The following ACAA1 variants were observed in gnomAD, a reference collection of about 807,000 sequenced individuals.
ACAA1 encodes the protein acetyl-CoA acyltransferase 1, also known as 3-ketoacyl-CoA thiolase, peroxisomal.
Under a neutral mutation model 48.8 loss-of-function variants are expected in ACAA1, and 44 were observed. The ratio of observed to expected loss-of-function variants is 0.90; its 90% CI spans 0.71 to 1.16. ACAA1 has a LOEUF of 1.16. Ranked by LOEUF, ACAA1 falls within the 50% of genes most tolerant of loss-of-function variation. The pLI is 0.00. For synonymous variants in ACAA1, 233 were observed against 226.5 expected (o/e 1.03, Z -0.26); for missense variants, 512 against 562.3 (o/e 0.91, Z 0.90).
chr3:38,134,160 G>T, intron 2 of ACAA1, 151 bp from the exon 3 acceptor site: 1 of 717,470 alleles, frequency 1.4e-6, no homozygotes, highest in Non-Finnish European at 2.3e-6. Context: ...ATCAGGGTTT[G>T]GGGCAGGGAG....
intron 11 of ACAA1, chr3:38,123,814 A>G (rs1041307176): frequency 6.6e-6 from 1 of 152,188 alleles, no homozygotes; most frequent in Non-Finnish European, 1.5e-5. Context: ...CAGCCTCGCC[A>G]ACATGGTGAA....
In ACAA1 at chr3:38,126,263, G is replaced by A; in HGVS notation, c.896C>T (p.Pro299Leu). The A allele has an allele frequency of 6.2e-7, 1 of 1,614,162 alleles. No individual in the cohort carries two copies. Among genetic ancestry groups the A allele is most frequent in the Non-Finnish European group, 8.5e-7 (1 of 1,180,032 alleles). The change falls in exon 9 of 12, where the codon CCC (proline) becomes CTC (leucine). Residue 299 changes from proline to leucine, a missense_variant. Coordinates refer to ENST00000333167, the MANE Select transcript of ACAA1 (RefSeq NM_001607.4). The surrounding 1 kb of genome is among the most constrained non-coding windows in gnomAD (Gnocchi z 4.7). ...RRSKAEELGL[P>L]ILGVLRSYAV... is the part of the protein sequence containing the mutation. ...ATAAGACCTCAGGACCCCAAGGATG[G>A]GAAGGCCCAACTCTTCTGCCTTGGA... is the stretch of plus-strand genomic sequence containing the variant.
At chr3:38,134,111 G>T in intron 2 of ACAA1, 102 bp from the exon 3 acceptor site, 2 of 1,196,010 alleles carry the variant, frequency 1.7e-6, no homozygotes, top group Non-Finnish European at 2.4e-6. Flanking sequence ...CTTTCTTCGG[G>T]ACACTAGCCC....
In ACAA1 at chr3:38,131,650, G is replaced by A. The variant is rs77045528; in HGVS notation, c.404-12C>T. The A allele has an allele frequency of 5.3e-4, 859 of 1,614,100 alleles. 3 individuals are homozygous for A. In the African/African-American group the frequency reaches 0.01, roughly 19 times the overall value. On this transcript the variant is annotated splice_polypyrimidine_tract_variant and intron_variant, in intron 4 of 11. Coordinates refer to ENST00000333167, the MANE Select transcript of ACAA1 (RefSeq NM_001607.4). ...ATTTCTGATGCCACCTGTAACAAAA[G>A]CATTTCATAAACATCCTTTGCCAGA...
At position 38,125,892 on chromosome 3, in the gene ACAA1, G is replaced by A. The variant is rs763372093; in HGVS notation, c.998-11C>T. 2.5e-5 allele frequency: 40 copies of A among 1,614,040 alleles called. No homozygotes were observed. The highest frequency in any genetic ancestry group is 3.3e-5 in the Non-Finnish European group (39 of 1,180,036). On this transcript the variant is annotated splice_polypyrimidine_tract_variant and intron_variant, in intron 9 of 11. Transcript: ENST00000333167. ...CACTCACTGTCAGCCCTGCAGACAA[G>A]GTAAAGACCTGAGCTGACACACTGG...
intron 6 of ACAA1, among the ~76,000 whole-genome samples, chr3:38,128,746 C>T (rs951978887): frequency 2.0e-5 from 3 of 152,178 alleles, no homozygotes; most frequent in African/African-American, 4.8e-5. Context: ...CGCTCACCAC[C>T]GCGCCCGGCT....
chr3:38,123,379 T>C (rs944339261), intron 11 of ACAA1: 4 of 482,574 alleles, frequency 8.3e-6, no homozygotes, highest in African/African-American at 1.9e-5. Context: ...GGTGTTTCTG[T>C]GTGCATGTTC....
At position 38,129,305 on chromosome 3, in the gene ACAA1, C is replaced by A; in HGVS notation, c.530G>T (p.Cys177Phe). The A allele has an allele frequency of 6.2e-7, 1 of 1,614,054 alleles. No individual in the cohort carries two copies. The highest frequency in any genetic ancestry group is 8.5e-7 in the Non-Finnish European group (1 of 1,179,946). ...GAGCACTCACCCCATAGGAATCAGG[C>A]AATCTCTGGCCTTCTCCTTCTCCAT... ...RLMEKEKARDCLIPMGITSEN... is the reference protein window; with the variant it reads ...RLMEKEKARDFLIPMGITSEN... Residue 177 changes from cysteine to phenylalanine, a missense_variant, in exon 6 of 12, where the codon TGC becomes TTC. Transcript: ENST00000333167. This position sits in a 1 kb window ranked among gnomAD's most constrained non-coding sequence, Gnocchi z 5.3.
rs1007428763 is a variant in ACAA1, at chr3:38,126,021, G to A, written c.998-140C>T. On this transcript the variant is annotated intron_variant, in intron 9 of 11. Transcript: ENST00000333167. The surrounding 1 kb of genome is among the most constrained non-coding windows in gnomAD (Gnocchi z 4.7). ...CAATCCCAGCTGTGGGGTCAGGAAG[G>A]GCTTGAAGTATGGGACACTAGCCTG... is the stretch of plus-strand genomic sequence containing the variant. The A allele has an allele frequency of 2.0e-5, 30 of 1,470,716 alleles. No individual in the cohort carries two copies. The highest frequency in any genetic ancestry group is 2.0e-4 in the Middle Eastern group (1 of 4,908). 91.1% of individuals were successfully genotyped at this position (1,470,716 alleles called of 1,614,324 possible).
chr3:38,135,313 C>G (rs1700868671), intron 2 of ACAA1: 1 of 152,172 alleles, frequency 6.6e-6, no homozygotes, highest in South Asian at 2.1e-4. Flanking sequence ...AGAAATGACA[C>G]AGAGACAAAG....
chr3:38,122,974 C>G lies in ACAA1; in HGVS notation c.*73G>C. The G allele has an allele frequency of 6.6e-7, 1 of 1,519,918 alleles. No individual in the cohort carries two copies. The highest frequency in any genetic ancestry group is 1.7e-5 in the Admixed American group (1 of 59,354). The allele number at this position is 1,519,918 out of a possible 1,614,324, so 94.2% of individuals were successfully genotyped here. On this transcript the variant is annotated 3_prime_UTR_variant, in exon 12 of 12. Transcript: ENST00000333167. ...TGCTGAGTTTTCCCATGTGGTTTTG[C>G]TTTTGTGGTGTTACTGCCTTGCTGC...
rs1335989332 is a variant in ACAA1, at chr3:38,126,577, G to A, written c.750C>T (p.Pro250=). ...TGGCCAGGCCCTCCATGGTGGTGCT[G>A]GGGCGGATACCCTCATCCTGGGTCA... ...ITVTQDEGIR[P]STTMEGLAKL... The change falls in exon 8 of 12, where the codon CCC becomes CCT. Residue 250 remains proline (P), a synonymous_variant. Coordinates refer to ENST00000333167, the MANE Select transcript of ACAA1 (RefSeq NM_001607.4). The surrounding 1 kb of genome is among the most constrained non-coding windows in gnomAD (Gnocchi z 4.7). The A allele has an allele frequency of 6.2e-7, 1 of 1,614,086 alleles. No homozygotes were observed. The highest frequency in any genetic ancestry group is 1.3e-5 in the African/African-American group (1 of 74,916).
intron 9 of ACAA1, 110 bp from the exon 10 acceptor site, chr3:38,125,991 T>C (rs1575258808): frequency 6.5e-7 from 1 of 1,542,832 alleles, no homozygotes; most frequent in African/African-American, 1.4e-5. Flanking sequence ...TCCAGAAGGG[T>C]GAGCCAATCC....
At chr3:38,133,761 T>TTG (rs1227918435) in intron 3 of ACAA1, 191 bp downstream of exon 3, 2 of 609,858 alleles carry the variant, frequency 3.3e-6, no homozygotes, top group Non-Finnish European at 5.9e-6. Flanking sequence ...CCCAAAGGTT[T>TTG]TGTGTATCGT....
Position 38,126,561 on chromosome 3 carries a change from C to A in ACAA1, c.766G>T (p.Gly256Cys). The A allele has an allele frequency of 6.2e-7, 1 of 1,614,206 alleles. No homozygotes were observed. Among genetic ancestry groups the A allele is most frequent in the Non-Finnish European group, 8.5e-7 (1 of 1,180,036 alleles). Residue 256 changes from glycine (G) to cysteine (C), a missense_variant, in exon 8 of 12, where the codon GGC becomes TGC. Transcript: ENST00000333167. The surrounding 1 kb of genome is among the most constrained non-coding windows in gnomAD (Gnocchi z 4.7). ...AAGGCAGGCTTCAGTTTGGCCAGGC[C>A]CTCCATGGTGGTGCTGGGGCGGATA... ...EGIRPSTTME[G>C]LAKLKPAFKK...
Position 38,130,444 on chromosome 3 carries a change from C to T in ACAA1, c.447-1056G>A, listed in dbSNP as rs187292867. 3.9e-5 allele frequency among the ~76,000 whole-genome samples: 6 copies of T among 152,320 alleles called. No homozygotes were observed. The East Asian group carries it at 1.2e-3, about 29-fold the overall frequency. On this transcript the variant is annotated intron_variant, in intron 5 of 11. Transcript: ENST00000333167. ...AGACTGTATAACTTATCCATGGTGA[C>T]CCAGCCTGGATCCACATTTAGGTAG... is the stretch of plus-strand genomic sequence containing the variant.
intron 3 of ACAA1, among the ~76,000 whole-genome samples, chr3:38,132,865 CAG>C (rs1700815960): frequency 6.6e-6 from 1 of 152,182 alleles, no homozygotes; most frequent in Non-Finnish European, 1.5e-5. Flanking sequence ...AACTCCCTAG[CAG>C]GTAGTTACCA....
chr3:38,136,469 C>A, intron 2 of ACAA1, 123 bp downstream of exon 2: 2 of 970,546 alleles, frequency 2.1e-6, no homozygotes, highest in South Asian at 1.3e-5. Flanking sequence ...GGGGCAGGAC[C>A]CCTTCAAAGG....
rs73827627 is a variant in ACAA1, at chr3:38,133,878, A to C, written c.323+74T>G. 1.2e-4 allele frequency: 182 copies of C among 1,515,550 alleles called. 1 individual carries two copies. The highest frequency in any genetic ancestry group is 1.6e-4 in the Non-Finnish European group (178 of 1,091,914). The allele number at this position is 1,515,550 out of a possible 1,614,324, so 93.9% of individuals were successfully genotyped here. A position where few individuals can be genotyped will look rare whatever the true frequency, so the allele number is the denominator to read the frequency against. ...CAACCTTATCCTCCCCAACCTGCAC[A>C]CTGAGTTTCCTGGGGCCTGGGCCCA... On this transcript the variant is annotated intron_variant, in intron 3 of 11. Coordinates refer to ENST00000333167, the MANE Select transcript of ACAA1 (RefSeq NM_001607.4).
Sources: allele counts gnomAD v4.1 joint callset (sites outside exome capture counted in the v4.1 genomes callset), GRCh38; gene constraint gnomAD v4.1.1; non-coding constraint Gnocchi (gnomAD v3.1); transcripts MANE v1.5; gene names NCBI Gene and HGNC (gene_info 2026-07-23, HGNC 2026-07-21).